Variants in MSN observed in about 807,000 individuals in gnomAD.
MSN encodes epididymis luminal protein 70.
A neutral mutation model predicts 48.0 loss-of-function variants in MSN; 2 were observed. The observed-to-expected ratio is 0.04, with a 90% CI of 0.02 to 0.13. The LOEUF (loss-of-function observed/expected upper bound fraction) is 0.13, where lower values mean the gene tolerates loss of function less well. Among genes scored for constraint, MSN ranks in the 10% least tolerant of loss-of-function variants. The pLI is 1.00. For synonymous variants in MSN, 146 were observed against 166.9 expected (o/e 0.87, Z 0.97); for missense variants, 267 against 470.1 (o/e 0.57, Z 3.99).
At chrX:65,711,762 G>A (rs947892896) in intron 1 of MSN, among the ~76,000 whole-genome samples, 3 of 111,218 alleles carry the variant, frequency 2.7e-5, no homozygotes, top group African/African-American at 9.8e-5. Context: ...CACTAGACAG[G>A]CAAGAATGAT....
At chrX:65,599,406 G>T (rs533148821) in intron 1 of MSN, among the ~76,000 whole-genome samples, 1 of 112,627 alleles carries the variant, frequency 8.9e-6, no homozygotes, top group South Asian at 3.6e-4. Flanking sequence ...AGGCTGAGGC[G>T]GGCAGATCAT....
rs955930956 is a variant in MSN, at chrX:65,678,878, G to T, written c.12+11025G>T. 2.7e-5 allele frequency among the ~76,000 whole-genome samples: 3 copies of T among 112,074 alleles called. No individual in the cohort carries two copies. In the South Asian group the frequency reaches 1.1e-3, roughly 41 times the overall value. On this transcript the variant is annotated intron_variant, in intron 1 of 12. Transcript: ENST00000360270. ...AGACATTGGCTTTTTCTGACATTCT[G>T]ATTATTTGTGCCCAGTCTTTAAGAG... is the stretch of plus-strand genomic sequence containing the variant.
intron 1 of MSN, among the ~76,000 whole-genome samples, chrX:65,628,440 G>A (rs755524624): frequency 2.5e-4 from 28 of 112,492 alleles, no homozygotes; most frequent in South Asian, 1.5e-3. Context: ...TGAGCTCTAC[G>A]TTGGCCCCTT....
intron 1 of MSN, among the ~76,000 whole-genome samples, chrX:65,616,477 G>A (rs1353314783): frequency 1.6e-5 from 1 of 63,093 alleles, no homozygotes; most frequent in African/African-American, 6.2e-5. Flanking sequence ...AATTGTGAAT[G>A]GGAGTTCACT....
intron 1 of MSN, among the ~76,000 whole-genome samples, chrX:65,616,637 T>C (rs1332523647): frequency 1.1e-5 from 1 of 89,385 alleles, no homozygotes; most frequent in Admixed American, 1.3e-4. Flanking sequence ...AGATATACAA[T>C]CATGTCATCT....
At position 65,607,112 on chromosome X, in the gene MSN, C is replaced by T. The variant is rs952616987; in HGVS notation, c.-22+18500C>T. ...ATTTTATACATCTTTTCATTTAATC[C>T]GTGAAATAACCCTGTGAGAGAGATA... On this transcript the variant is annotated intron_variant, in intron 1 of 3. Transcript: ENST00000609672. 1.9e-4 allele frequency among the ~76,000 whole-genome samples: 21 copies of T among 111,784 alleles called. No homozygotes were observed. In the East Asian group the frequency reaches 3.1e-3, roughly 16 times the overall value.
intron 1 of MSN, among the ~76,000 whole-genome samples, chrX:65,636,629 C>A (rs1037216027): frequency 9.4e-6 from 1 of 106,695 alleles, no homozygotes; most frequent in Non-Finnish European, 1.9e-5. Context: ...CACCTGTAAT[C>A]CTAGCTACTC....
chrX:65,644,164 G>A (rs979225742), intron 1 of MSN, among the ~76,000 whole-genome samples: 1 of 112,070 alleles, frequency 8.9e-6, no homozygotes, highest in Non-Finnish European at 1.9e-5. Flanking sequence ...TAAATAATAA[G>A]CAGTACCTGC....
chrX:65,712,742 G>A (rs1446859350), intron 1 of MSN, among the ~76,000 whole-genome samples: 1 of 111,168 alleles, frequency 9.0e-6, no homozygotes, highest in East Asian at 2.8e-4. Context: ...CCGTGAGCAT[G>A]AAATAGTCTT....
chrX:65,676,088 C>G, intron 1 of MSN, among the ~76,000 whole-genome samples: 1 of 112,719 alleles, frequency 8.9e-6, no homozygotes, highest in East Asian at 2.8e-4. Flanking sequence ...TTAATTCTCT[C>G]ATTGACTTTG....
intron 3 of MSN, among the ~76,000 whole-genome samples, chrX:65,728,514 C>A (rs1450087260): frequency 9.1e-6 from 1 of 110,396 alleles, no homozygotes; most frequent in Non-Finnish European, 1.9e-5. Flanking sequence ...AGGATGGTCT[C>A]GATCTCCTGA....
intron 1 of MSN, among the ~76,000 whole-genome samples, chrX:65,592,162 T>C (rs1026883482): frequency 9.4e-6 from 1 of 106,212 alleles, no homozygotes; most frequent in African/African-American, 3.4e-5. Context: ...TGAACCAAAG[T>C]ACTCTAACTG....
chrX:65,615,035 C>G (rs1304517737), intron 1 of MSN, among the ~76,000 whole-genome samples: 1 of 102,551 alleles, frequency 9.8e-6, no homozygotes, highest in Admixed American at 1.1e-4. Context: ...GACATGAACT[C>G]ATCATTTTTT....
At chrX:65,661,674 GT>G (rs1339987518) in intron 1 of MSN, among the ~76,000 whole-genome samples, 1 of 112,041 alleles carries the variant, frequency 8.9e-6, no homozygotes, top group East Asian at 2.8e-4. Context: ...TTTTAGAATA[GT>G]TTCAGTAGAA....
At chrX:65,727,580 G>T (rs1191166209) in intron 2 of MSN, among the ~76,000 whole-genome samples, 1 of 112,099 alleles carries the variant, frequency 8.9e-6, no homozygotes, top group Non-Finnish European at 1.9e-5. Context: ...AAGGTTCTTG[G>T]TATGTGTCAG....
chrX:65,692,854 A>G (rs2071188976), intron 1 of MSN, among the ~76,000 whole-genome samples: 1 of 110,678 alleles, frequency 9.0e-6, no homozygotes, highest in Non-Finnish European at 1.9e-5. Flanking sequence ...TAATTTTTGT[A>G]TTTTTAGTAG....
rs756002480 is a variant in MSN at position 65,616,077 on chromosome X, G to A, written c.-22+27465G>A. Among the ~76,000 whole-genome samples, 512 of 111,146 alleles carry A rather than the reference G, an allele frequency of 4.6e-3. 1 individual carries two copies. The highest frequency in any genetic ancestry group is 7.1e-3 in the Non-Finnish European group (376 of 52,862). On this transcript the variant is annotated intron_variant, in intron 1 of 3. Coordinates refer to the MSN transcript ENST00000609672. ...TCCATTGATCTATATCTCTGTTTTG[G>A]TACCAGTACCATGCTGTTTTGGTTA...
chrX:65,590,687 C>A (rs2070139572), intron 1 of MSN, among the ~76,000 whole-genome samples: 1 of 111,029 alleles, frequency 9.0e-6, no homozygotes, highest in Non-Finnish European at 1.9e-5. Flanking sequence ...TCTCTAGTGC[C>A]TTTCCCTGTT....
chrX:65,623,679 G>A (rs973069922), intron 1 of MSN, among the ~76,000 whole-genome samples: 1 of 109,363 alleles, frequency 9.1e-6, no homozygotes, highest in African/African-American at 3.4e-5. Flanking sequence ...GGGCATGGTG[G>A]CAGGCACCTG....
Sources: allele counts gnomAD v4.1 joint callset (sites outside exome capture counted in the v4.1 genomes callset), GRCh38; gene constraint gnomAD v4.1.1; transcripts MANE v1.5; gene names NCBI Gene and HGNC (gene_info 2026-07-23, HGNC 2026-07-21).